MACROD2: variants seen among roughly 807,000 people sequenced by gnomAD.
The protein encoded by MACROD2 is ADP-ribose glycohydrolase MACROD2.
MACROD2 carries 36 observed loss-of-function variants against 70.4 expected under a neutral mutation model. The observed-to-expected ratio is 0.51, with a 90% CI of 0.39 to 0.68. MACROD2 has a LOEUF of 0.68. MACROD2 is among the 30% of genes least tolerant of loss of function. MACROD2 has a pLI of 0.00. For missense variants in MACROD2, 496 were observed against 538.4 expected, an observed-to-expected ratio of 0.92 and a Z score of 0.78; for synonymous variants, 172 against 178.8, an observed-to-expected ratio of 0.96 and a Z score of 0.30.
chr20:14,492,333 TTA>T (rs1435806176), intron 3 of MACROD2, among the ~76,000 whole-genome samples: 1 of 152,150 alleles, frequency 6.6e-6, no homozygotes, highest in Admixed American at 6.6e-5. Flanking sequence ...ACTTGGAAGA[TTA>T]TATGAGACTA....
At chr20:15,280,205 A>G (rs1180777236) in intron 6 of MACROD2, among the ~76,000 whole-genome samples, 1 of 152,256 alleles carries the variant, frequency 6.6e-6, no homozygotes, top group African/African-American at 2.4e-5. Flanking sequence ...AAATGCATAA[A>G]GATGGTTGGG....
At chr20:14,202,610 C>A (rs1357528150) in intron 3 of MACROD2, among the ~76,000 whole-genome samples, 1 of 152,038 alleles carries the variant, frequency 6.6e-6, no homozygotes, top group African/African-American at 2.4e-5. Flanking sequence ...GGAGGCAGAA[C>A]CTCTAAATCA....
At position 15,803,315 on chromosome 20, in the gene MACROD2, A is replaced by G. The variant is rs371454493; in HGVS notation, c.646-59430A>G. On this transcript the variant is annotated intron_variant, in intron 8 of 17. Transcript: ENST00000684519. ...AAAAAGAGATACTTTTGATGGCTTT[A>G]AAATGAAGCTGAGATTCTTCTCAGC... Among the ~76,000 whole-genome samples the G allele has an allele frequency of 2.0e-5, 3 of 152,274 alleles. No homozygotes were observed. The South Asian group carries it at 6.2e-4, about 32-fold the overall frequency.
intron 8 of MACROD2, among the ~76,000 whole-genome samples, chr20:15,744,693 T>TACACAC (rs11467530): frequency 2.2e-3 from 323 of 148,338 alleles, no homozygotes; most frequent in South Asian, 5.2e-3. Flanking sequence ...AAACCAAGTA[T>TACACAC]ACACACACAC....
At position 15,088,452 on chromosome 20, in the gene MACROD2, ATATTT is replaced by A. The variant is rs1288197504; in HGVS notation, c.419-141486_419-141482del. Among the ~76,000 whole-genome samples, 112 of 91,736 alleles carry A rather than the reference ATATTT, an allele frequency of 1.2e-3. 1 individual carries two copies. Among genetic ancestry groups the A allele is most frequent in the African/African-American group, 4.8e-3 (103 of 21,272 alleles). The allele number at this position is 91,736 out of a possible 152,430, so 60.2% of individuals were successfully genotyped here. A position where few individuals can be genotyped will look rare whatever the true frequency, so the allele number is the denominator to read the frequency against. On this transcript the variant is annotated intron_variant, in intron 5 of 17. Transcript: ENST00000684519. ...ATATATATATATATATATATATATA[ATATTT>A]TGTGTGTGTGTGTGTGTTGCTTTAA...
chr20:15,937,721 T>G (rs1164184747), intron 12 of MACROD2, among the ~76,000 whole-genome samples, 177 bp downstream of exon 12: 1 of 104,946 alleles, frequency 9.5e-6, no homozygotes, highest in Non-Finnish European at 1.8e-5. Context: ...CTAGCCTGTA[T>G]AGAAAATTTA....
rs1386715367 is a variant in MACROD2 at position 14,466,176 on chromosome 20, G to A, written c.272-27303G>A. ...CCCGTCACTTTCAGGTACACAAATT[G>A]GACGTAGATTTGGTCTTTTCACATA... On this transcript the variant is annotated intron_variant, in intron 3 of 17. Transcript: ENST00000684519. Among the ~76,000 whole-genome samples the A allele has an allele frequency of 4.6e-5, 7 of 152,038 alleles. No individual in the cohort carries two copies. The East Asian group carries it at 7.7e-4, about 17-fold the overall frequency.
At chr20:15,630,361 G>A (rs1227367235) in intron 8 of MACROD2, among the ~76,000 whole-genome samples, 1 of 152,198 alleles carries the variant, frequency 6.6e-6, no homozygotes, top group African/African-American at 2.4e-5. Flanking sequence ...AAAATGTTGT[G>A]CATCTGAACT....
chr20:14,600,571 T>G (rs1982432040), intron 4 of MACROD2, among the ~76,000 whole-genome samples: 1 of 152,174 alleles, frequency 6.6e-6, no homozygotes, highest in African/African-American at 2.4e-5. Flanking sequence ...AATGTTAATT[T>G]AGTCTTTTAA....
intron 10 of MACROD2, among the ~76,000 whole-genome samples, chr20:15,887,193 C>A (rs111955693): frequency 4.4e-4 from 67 of 152,206 alleles, no homozygotes; most frequent in Middle Eastern, 3.4e-3. Flanking sequence ...TAAGTTATAT[C>A]TCTCTCCCTC....
chr20:15,145,073 A>C (rs1259467576), intron 5 of MACROD2, among the ~76,000 whole-genome samples: 1 of 152,180 alleles, frequency 6.6e-6, no homozygotes, highest in East Asian at 1.9e-4. Context: ...TTTTTAACTC[A>C]GTAAATGGTT....
intron 5 of MACROD2, among the ~76,000 whole-genome samples, chr20:14,722,913 A>G (rs1307477236): frequency 2.0e-5 from 3 of 152,174 alleles, no homozygotes; most frequent in Non-Finnish European, 4.4e-5. Context: ...ATAATAACAT[A>G]AGATCGTAAG....
intron 6 of MACROD2, among the ~76,000 whole-genome samples, chr20:15,297,777 C>G (rs2077604928): frequency 6.6e-6 from 1 of 152,168 alleles, no homozygotes; most frequent in South Asian, 2.1e-4. Context: ...AATAGTAACT[C>G]TCCATTGACA....
chr20:14,365,624 T>G (rs1395856913), intron 3 of MACROD2, among the ~76,000 whole-genome samples: 1 of 152,138 alleles, frequency 6.6e-6, no homozygotes, highest in Non-Finnish European at 1.5e-5. Context: ...TCTGCTGTAA[T>G]CTTTATTATT....
At chr20:16,016,388 T>C (rs916169722) in intron 15 of MACROD2, among the ~76,000 whole-genome samples, 2 of 152,214 alleles carry the variant, frequency 1.3e-5, no homozygotes, top group African/African-American at 2.4e-5. Flanking sequence ...CAATATGCCA[T>C]GTCTTCAAAT....
chr20:14,106,615 T>G (rs1454213928), intron 3 of MACROD2, among the ~76,000 whole-genome samples: 1 of 152,134 alleles, frequency 6.6e-6, no homozygotes, highest in Non-Finnish European at 1.5e-5. Context: ...ACAGTGGGCC[T>G]TGGGCAGGAC....
rs555700762 is a variant in MACROD2, at chr20:14,417,557, G to A, written c.272-75922G>A. Among the ~76,000 whole-genome samples, 391 of 152,270 alleles carry A rather than the reference G, an allele frequency of 2.6e-3. 1 individual carries two copies. The highest frequency in any genetic ancestry group is 6.2e-3 in the South Asian group (30 of 4,822). On this transcript the variant is annotated intron_variant, in intron 3 of 17. Coordinates refer to ENST00000684519, the MANE Select transcript of MACROD2 (RefSeq NM_001351661.2). Reference sequence around the variant, plus strand: ...TTTTTCATTGGTTACTCATAGGGGAGATGGCTACCTGAGAGAGCTCTCTAT... The same window carrying A: ...TTTTTCATTGGTTACTCATAGGGGAAATGGCTACCTGAGAGAGCTCTCTAT...
chr20:15,448,794 G>T (rs982313963), intron 7 of MACROD2, among the ~76,000 whole-genome samples: 2 of 152,076 alleles, frequency 1.3e-5, no homozygotes, highest in African/African-American at 4.8e-5. Context: ...TAATTCTAGG[G>T]ATATGTTTAT....
intron 5 of MACROD2, among the ~76,000 whole-genome samples, chr20:14,749,732 T>C (rs2071845301): frequency 6.6e-6 from 1 of 152,168 alleles, no homozygotes; most frequent in Non-Finnish European, 1.5e-5. Context: ...GAGTGTTTTA[T>C]TTACTCATAT....
Sources: gnomAD v4.1 joint callset for allele counts (sites outside exome capture counted in the v4.1 genomes callset) on GRCh38, gnomAD v4.1.1 for gene constraint, MANE v1.5 for transcripts, NCBI Gene and HGNC (gene_info 2026-07-23, HGNC 2026-07-21) for gene names.